Variants in AUTS2 observed in about 807,000 individuals in gnomAD.
AUTS2 encodes the protein autism susceptibility gene 2 protein.
A neutral mutation model predicts 112.4 loss-of-function variants in AUTS2; 17 were observed. That is an observed-to-expected ratio of 0.15 (90% CI 0.10 to 0.23). AUTS2 has a LOEUF of 0.23. AUTS2 is among the 10% of genes least tolerant of loss of function. AUTS2 has a pLI of 1.00. For missense variants in AUTS2, 1,510 were observed against 1,701.6 expected, an observed-to-expected ratio of 0.89 and a Z score of 1.98; for synonymous variants, 751 against 702.7, an observed-to-expected ratio of 1.07 and a Z score of -1.09.
At chr7:70,733,735 C>T (rs764415124) in intron 6 of AUTS2, among the ~76,000 whole-genome samples, 16 of 151,834 alleles carry the variant, frequency 1.1e-4, no homozygotes, top group Non-Finnish European at 1.6e-4. Flanking sequence ...TACAGGCGCC[C>T]GCCACCACAC....
chr7:70,563,505 ACGGATT>A (rs1319489686), intron 5 of AUTS2, among the ~76,000 whole-genome samples: 1 of 152,212 alleles, frequency 6.6e-6, no homozygotes, highest in African/African-American at 2.4e-5. Flanking sequence ...GTCTGTCTTA[ACGGATT>A]CTGTTTCTCA....
intron 2 of AUTS2, among the ~76,000 whole-genome samples, chr7:70,003,262 ATATAT>A (rs1219031469): frequency 3.3e-4 from 41 of 123,902 alleles, no homozygotes; most frequent in East Asian, 2.0e-3. Flanking sequence ...TGAATATATA[ATATAT>A]TATATATGTG....
intron 1 of AUTS2, among the ~76,000 whole-genome samples, chr7:69,805,017 T>C (rs1373772484): frequency 1.3e-5 from 2 of 152,188 alleles, no homozygotes; most frequent in African/African-American, 2.4e-5. Context: ...ATTTTAACTT[T>C]TATATGAGAG....
chr7:70,738,615 T>G (rs576480749), intron 6 of AUTS2, among the ~76,000 whole-genome samples: 2 of 152,190 alleles, frequency 1.3e-5, no homozygotes, highest in South Asian at 4.1e-4. Context: ...CACTGTGAGC[T>G]GCCAAGGCCC....
intron 1 of AUTS2, among the ~76,000 whole-genome samples, chr7:69,836,834 A>G (rs1376948929): frequency 6.6e-6 from 1 of 152,206 alleles, no homozygotes; most frequent in Non-Finnish European, 1.5e-5. Flanking sequence ...ATTGACCGCT[A>G]TAGTGTGTGT....
At chr7:70,440,833 C>G (rs527409668) in intron 5 of AUTS2, among the ~76,000 whole-genome samples, 6 of 152,296 alleles carry the variant, frequency 3.9e-5, no homozygotes, top group Non-Finnish European at 8.8e-5. Context: ...TTCCCAAATG[C>G]CAAACACTGT....
intron 1 of AUTS2, among the ~76,000 whole-genome samples, chr7:69,684,362 C>T (rs1378831294): frequency 6.6e-6 from 1 of 152,184 alleles, no homozygotes; most frequent in African/African-American, 2.4e-5. Flanking sequence ...CATGAGCTTG[C>T]TGCCCTGGTT....
intron 1 of AUTS2, among the ~76,000 whole-genome samples, chr7:69,827,895 T>C (rs1043169683): frequency 2.0e-5 from 3 of 152,316 alleles, no homozygotes; most frequent in Admixed American, 6.5e-5. Flanking sequence ...GTTTCCTTCC[T>C]CTTCTTTTAA....
At chr7:70,158,360 TATG>T (rs963994541) in intron 4 of AUTS2, among the ~76,000 whole-genome samples, 14 of 152,102 alleles carry the variant, frequency 9.2e-5, no homozygotes, top group African/African-American at 2.9e-4. Context: ...CAGGAAAAAT[TATG>T]ATGATGACTG....
At chr7:70,366,906 G>A (rs1368449213) in intron 4 of AUTS2, among the ~76,000 whole-genome samples, 2 of 152,180 alleles carry the variant, frequency 1.3e-5, no homozygotes, top group Non-Finnish European at 2.9e-5. Context: ...TGGAGATGTT[G>A]AGTTTGAGGT....
rs576791818 is a variant in AUTS2 at position 69,943,521 on chromosome 7, A to T, written c.522+44023A>T. The stretch of plus-strand genomic sequence containing the variant: ...ATTTCTAAATCAAAGCCATTTATTA[A>T]ATACCTTAGTCATATTGATTCCTGT... On this transcript the variant is annotated intron_variant, in intron 2 of 18. Transcript: ENST00000342771. 1.4e-4 allele frequency among the ~76,000 whole-genome samples: 21 copies of T among 152,316 alleles called. No homozygotes were observed. The East Asian group carries it at 3.5e-3, about 25-fold the overall frequency.
chr7:69,611,889 C>T lies in AUTS2; in HGVS notation c.309+11927C>T, dbSNP rs149341335. 7.5e-3 allele frequency among the ~76,000 whole-genome samples: 992 copies of T among 131,438 alleles called. 42 individuals carry two copies. Among genetic ancestry groups the T allele is most frequent in the Admixed American group, 0.064 (722 of 11,266 alleles). 86.2% of individuals were successfully genotyped at this position (131,438 alleles called of 152,430 possible). On this transcript the variant is annotated intron_variant, in intron 1 of 18. Coordinates refer to ENST00000342771, the MANE Select transcript of AUTS2 (RefSeq NM_015570.4). ...AGCTTGCAGTGAGCCGAGATTGCGC[C>T]ACTGCAGTCCGCAGTCCGGCCTGGG...
intron 1 of AUTS2, among the ~76,000 whole-genome samples, chr7:69,660,189 C>T (rs780319709): frequency 6.6e-6 from 1 of 152,150 alleles, no homozygotes; most frequent in Non-Finnish European, 1.5e-5. Flanking sequence ...TTGAAAGATG[C>T]CTGTGTTTTC....
intron 1 of AUTS2, among the ~76,000 whole-genome samples, chr7:69,727,609 A>T (rs1786580331): frequency 6.6e-6 from 1 of 152,234 alleles, no homozygotes; most frequent in East Asian, 1.9e-4. Flanking sequence ...AATAAAAAAA[A>T]TAAAAAATCA....
chr7:70,090,042 A>AAATAAATAAATT (rs1357846163), intron 2 of AUTS2, among the ~76,000 whole-genome samples: 1 of 149,276 alleles, frequency 6.7e-6, no homozygotes, highest in Admixed American at 6.6e-5. Flanking sequence ...ATAAATAAAT[A>AAATAAATAAATT]AATTTAAAAA....
rs936530623 is a variant in AUTS2, at chr7:69,861,446, A to G, written c.310-37840A>G. 2.0e-5 allele frequency among the ~76,000 whole-genome samples: 3 copies of G among 152,074 alleles called. No individual in the cohort carries two copies. The East Asian group carries it at 5.8e-4, about 29-fold the overall frequency. On this transcript the variant is annotated intron_variant, in intron 1 of 18. Coordinates refer to ENST00000342771, the MANE Select transcript of AUTS2 (RefSeq NM_015570.4). ...AAAAATGCACACACTGTACCATCTC[A>G]CAGTTATAAAGGTTAAGTAAGCATC... is the stretch of plus-strand genomic sequence containing the variant.
At chr7:70,529,984 AT>A (rs776368545) in intron 5 of AUTS2, among the ~76,000 whole-genome samples, 14 of 152,226 alleles carry the variant, frequency 9.2e-5, no homozygotes, top group Non-Finnish European at 1.9e-4. Context: ...CTGTTGGAAC[AT>A]TTGTTACAAG....
chr7:70,778,854 G>A (rs528183902), intron 14 of AUTS2, among the ~76,000 whole-genome samples: 4 of 152,298 alleles, frequency 2.6e-5, no homozygotes, highest in South Asian at 4.1e-4. Flanking sequence ...TTAGTGGAAC[G>A]GTAGGTAAAG....
intron 1 of AUTS2, among the ~76,000 whole-genome samples, chr7:69,711,020 G>T (rs1798300074): frequency 6.6e-6 from 1 of 152,122 alleles, no homozygotes; most frequent in Non-Finnish European, 1.5e-5. Flanking sequence ...CTCACCCTTA[G>T]GAATGTTTCC....
Sources: allele counts gnomAD v4.1 joint callset (sites outside exome capture counted in the v4.1 genomes callset), GRCh38; gene constraint gnomAD v4.1.1; transcripts MANE v1.5; gene names NCBI Gene and HGNC (gene_info 2026-07-23, HGNC 2026-07-21).